The following RYR2 variants were observed in gnomAD, a reference collection of about 807,000 sequenced individuals.
RYR2 encodes the protein cardiac muscle ryanodine receptor-calcium release channel.
In RYR2, 227 loss-of-function variants were observed where a neutral mutation model predicts 601.1. The observed-to-expected ratio is 0.38, with a 90% CI of 0.34 to 0.42. The LOEUF (loss-of-function observed/expected upper bound fraction) is 0.42. RYR2 is among the 10% of genes least tolerant of loss of function. The probability of loss-of-function intolerance (pLI) is 1.00; values close to 1 mark genes in which losing one functional copy is unlikely to be tolerated. For synonymous variants in RYR2, 2,223 were observed against 2,175.1 expected, an observed-to-expected ratio of 1.02 and a Z score of -0.61; for missense variants, 4,646 against 6,156.5, an observed-to-expected ratio of 0.75 and a Z score of 8.21.
At chr1:237,631,736 T>C (rs1040136756) in intron 42 of RYR2, among the ~76,000 whole-genome samples, 195 bp downstream of exon 42, 1 of 146,124 alleles carries the variant, frequency 6.8e-6, no homozygotes, top group Non-Finnish European at 1.5e-5. Context: ...CACGCCATTC[T>C]CCTGCCTCAG....
rs546354222 is a variant in RYR2 at position 237,819,618 on chromosome 1, G to A, written c.14590+426G>A. 1.3e-5 allele frequency among the ~76,000 whole-genome samples: 2 copies of A among 151,566 alleles called. No homozygotes were observed. Among genetic ancestry groups the A allele is most frequent in the South Asian group, 2.1e-4 (1 of 4,794 alleles). On this transcript the variant is annotated intron_variant, in intron 101 of 104. Coordinates refer to ENST00000366574, the MANE Select transcript of RYR2 (RefSeq NM_001035.3). The surrounding 1 kb of genome is among the most constrained non-coding windows in gnomAD (Gnocchi z 4.0). ...ATGGATCACTTGAGGTCAGGAGCTCGAGACCAGCCTGACCAACATGGTAAA... is the reference window on the plus strand; with the variant it reads ...ATGGATCACTTGAGGTCAGGAGCTCAAGACCAGCCTGACCAACATGGTAAA...
At chr1:237,764,037 G>T (rs1308838686) in intron 84 of RYR2, among the ~76,000 whole-genome samples, 2 of 152,196 alleles carry the variant, frequency 1.3e-5, no homozygotes, top group Non-Finnish European at 1.5e-5. Context: ...ATAATCTGTT[G>T]TACCTGAATC....
At chr1:237,150,745 T>A (rs1674618454) in intron 1 of RYR2, among the ~76,000 whole-genome samples, 1 of 152,156 alleles carries the variant, frequency 6.6e-6, no homozygotes, top group Non-Finnish European at 1.5e-5. Flanking sequence ...AGCTCTTGAA[T>A]GTTTTAGCTG....
chr1:237,241,539 G>C lies in RYR2; in HGVS notation c.49-28958G>C, dbSNP rs140746575. On this transcript the variant is annotated intron_variant, in intron 1 of 104. Transcript: ENST00000366574. ...AGGCCAAGTGGGTTCTTGGCTTCAC[G>C]CAGGAAAGAATTCAAGAGAGGATAA... Among the ~76,000 whole-genome samples, 580 of 152,232 alleles carry C rather than the reference G, an allele frequency of 3.8e-3. 3 individuals are homozygous for C. The highest frequency in any genetic ancestry group is 0.013 in the African/African-American group (551 of 41,544).
chr1:237,587,598 C>A (rs1371719910), intron 29 of RYR2, among the ~76,000 whole-genome samples: 1 of 151,876 alleles, frequency 6.6e-6, no homozygotes, highest in African/African-American at 2.4e-5. Flanking sequence ...CCTTTGAAAA[C>A]CAAAATGTCA....
chr1:237,570,904 G>C (rs1672615644), intron 29 of RYR2, among the ~76,000 whole-genome samples: 1 of 152,084 alleles, frequency 6.6e-6, no homozygotes, highest in Non-Finnish European at 1.5e-5. Context: ...TAAGGCGGAG[G>C]ATAGCTGAGC....
At chr1:237,059,507 A>G (rs532393846) in intron 1 of RYR2, among the ~76,000 whole-genome samples, 3 of 152,292 alleles carry the variant, frequency 2.0e-5, no homozygotes, top group East Asian at 3.9e-4. Context: ...TCTATTTTTA[A>G]GGTTAGATAA....
chr1:237,718,829 C>A (rs1326287226), intron 73 of RYR2, among the ~76,000 whole-genome samples: 1 of 152,048 alleles, frequency 6.6e-6, no homozygotes, highest in Non-Finnish European at 1.5e-5. Context: ...GCACAACATG[C>A]AGGTTTGTTA....
intron 84 of RYR2, among the ~76,000 whole-genome samples, chr1:237,770,555 C>T (rs1313257736): frequency 6.6e-6 from 1 of 152,148 alleles, no homozygotes; most frequent in Non-Finnish European, 1.5e-5. Flanking sequence ...TGTTGCCAAA[C>T]CCATGCTGCT....
chr1:237,525,403 T>C (rs919831003), intron 24 of RYR2, among the ~76,000 whole-genome samples: 23 of 152,236 alleles, frequency 1.5e-4, no homozygotes, highest in African/African-American at 5.3e-4. Flanking sequence ...ACTTTGCTAT[T>C]GTAAATAGTG....
chr1:237,603,260 C>G (rs1326828921), intron 35 of RYR2, among the ~76,000 whole-genome samples: 1 of 152,118 alleles, frequency 6.6e-6, no homozygotes, highest in Non-Finnish European at 1.5e-5. Flanking sequence ...GGAAAGAAGA[C>G]CCTGTTGAGC....
chr1:237,315,871 A>G (rs927704766), intron 2 of RYR2, among the ~76,000 whole-genome samples: 4 of 152,232 alleles, frequency 2.6e-5, no homozygotes, highest in Non-Finnish European at 5.9e-5. Flanking sequence ...CAAACTTTAT[A>G]CCAAAAATTT....
At chr1:237,588,219 CT>C (rs1674751356) in intron 29 of RYR2, among the ~76,000 whole-genome samples, 1 of 152,068 alleles carries the variant, frequency 6.6e-6, no homozygotes, top group Non-Finnish European at 1.5e-5. Flanking sequence ...GTTGGTGGCA[CT>C]GTTATACAGC....
At chr1:237,300,791 T>C (rs1693272238) in intron 2 of RYR2, among the ~76,000 whole-genome samples, 1 of 152,142 alleles carries the variant, frequency 6.6e-6, no homozygotes, top group African/African-American at 2.4e-5. Context: ...AATAAATACG[T>C]CCGAGTTTGC....
At chr1:237,592,641 A>T (rs1265375492) in intron 32 of RYR2, among the ~76,000 whole-genome samples, 1 of 129,800 alleles carries the variant, frequency 7.7e-6, no homozygotes, top group African/African-American at 2.5e-5. Flanking sequence ...TCAAAAAAAA[A>T]AAAAGTGAGC....
intron 10 of RYR2, among the ~76,000 whole-genome samples, chr1:237,401,473 A>G (rs1229547317): frequency 6.7e-6 from 1 of 148,852 alleles, no homozygotes; most frequent in African/African-American, 2.6e-5. Flanking sequence ...CACAGATGTT[A>G]TACTTATGCT....
At chr1:237,678,334 A>G (rs1685579651) in intron 61 of RYR2, among the ~76,000 whole-genome samples, 1 of 152,178 alleles carries the variant, frequency 6.6e-6, no homozygotes. Flanking sequence ...AAATGACTTC[A>G]TTCTATCTGA....
intron 1 of RYR2, among the ~76,000 whole-genome samples, chr1:237,152,995 T>C (rs913432059): frequency 4.6e-5 from 7 of 152,164 alleles, no homozygotes; most frequent in African/African-American, 1.7e-4. Flanking sequence ...GGGCAAAGGA[T>C]ATGAACAGAC....
intron 1 of RYR2, among the ~76,000 whole-genome samples, chr1:237,217,433 T>A (rs1163581426): frequency 6.6e-6 from 1 of 152,050 alleles, no homozygotes; most frequent in Middle Eastern, 3.2e-3. Flanking sequence ...GTTACCAAAG[T>A]GCTTTAGGTG....
Sources: gnomAD v4.1 joint callset for allele counts (sites outside exome capture counted in the v4.1 genomes callset) on GRCh38, gnomAD v4.1.1 for gene constraint, Gnocchi (gnomAD v3.1) non-coding constraint, MANE v1.5 for transcripts, NCBI Gene and HGNC (gene_info 2026-07-23, HGNC 2026-07-21) for gene names.